Variants in GULP1 observed in about 807,000 individuals in gnomAD.
GULP1 encodes the protein PTB domain-containing engulfment adapter protein 1.
In GULP1, 19 loss-of-function variants were observed where a neutral mutation model predicts 40.9. The observed-to-expected ratio is 0.46, with a 90% confidence interval of 0.32 to 0.68. The LOEUF (loss-of-function observed/expected upper bound fraction) is 0.68, where lower values mean the gene tolerates loss of function less well. Ranked by LOEUF, GULP1 falls within the 30% of genes least tolerant of loss-of-function variation. The pLI is 0.03. For missense variants in GULP1, 312 were observed against 362.2 expected, an observed-to-expected ratio of 0.86 and a Z score of 1.12; for synonymous variants, 119 against 117.6, an observed-to-expected ratio of 1.01 and a Z score of -0.08.
chr2:188,368,568 G>A lies in GULP1; in HGVS notation c.-171-15195G>A, dbSNP rs755155946. On this transcript the variant is annotated intron_variant, in intron 1 of 11. Transcript: ENST00000409830. ...TGCACTCCAGCCTGGGTAACAGAGC[G>A]AGACTCCATCTAAAATAAATAAATA... is the stretch of plus-strand genomic sequence containing the variant. 2.2e-4 allele frequency among the ~76,000 whole-genome samples: 34 copies of A among 152,000 alleles called. 1 individual carries two copies. The highest frequency in any genetic ancestry group is 1.4e-3 in the Admixed American group (22 of 15,238).
At chr2:188,572,382 G>A (rs1244304659) in intron 9 of GULP1, among the ~76,000 whole-genome samples, 1 of 152,068 alleles carries the variant, frequency 6.6e-6, no homozygotes, top group Non-Finnish European at 1.5e-5. Context: ...ATTATTTTAG[G>A]CATTGTGTTC....
At chr2:188,518,546 A>G (rs1040431044) in intron 4 of GULP1, among the ~76,000 whole-genome samples, 1 of 152,108 alleles carries the variant, frequency 6.6e-6, no homozygotes, top group African/African-American at 2.4e-5. Context: ...ATATGCTTCT[A>G]GCTCTCAATA....
intron 11 of GULP1, 103 bp downstream of exon 11, chr2:188,588,052 G>T: frequency 1.3e-6 from 1 of 750,058 alleles, no homozygotes; most frequent in South Asian, 1.5e-5. Context: ...AATTATTTTC[G>T]CTATAAAAAC....
At chr2:188,488,932 A>C (rs2062099418) in intron 4 of GULP1, among the ~76,000 whole-genome samples, 1 of 152,042 alleles carries the variant, frequency 6.6e-6, no homozygotes, top group Admixed American at 6.6e-5. Flanking sequence ...TTTTACAAGT[A>C]ATCAGTTAAT....
intron 6 of GULP1, among the ~76,000 whole-genome samples, chr2:188,536,494 T>C (rs933292539): frequency 1.3e-5 from 2 of 152,160 alleles, no homozygotes; most frequent in African/African-American, 4.8e-5. Flanking sequence ...ATCAGATGGC[T>C]GTAGACTTGT....
At chr2:188,367,870 G>A (rs916625059) in intron 1 of GULP1, among the ~76,000 whole-genome samples, 1 of 152,140 alleles carries the variant, frequency 6.6e-6, no homozygotes, top group African/African-American at 2.4e-5. Flanking sequence ...GAAGTGTTTT[G>A]ACTGTAGGAT....
intron 4 of GULP1, among the ~76,000 whole-genome samples, chr2:188,515,290 C>A (rs2065059170): frequency 6.6e-6 from 1 of 152,150 alleles, no homozygotes; most frequent in Admixed American, 6.5e-5. Context: ...TTCCCCTTTG[C>A]AGCATTATTC....
At chr2:188,358,080 C>G (rs890696495) in intron 1 of GULP1, among the ~76,000 whole-genome samples, 2 of 152,050 alleles carry the variant, frequency 1.3e-5, no homozygotes, top group African/African-American at 4.8e-5. Context: ...ACTCAGGAAG[C>G]TGAGACACAA....
chr2:188,354,091 G>T (rs1052879993), intron 1 of GULP1, among the ~76,000 whole-genome samples: 1 of 152,024 alleles, frequency 6.6e-6, no homozygotes, highest in African/African-American at 2.4e-5. Flanking sequence ...TAGAGTCATA[G>T]CTGTGTTGCT....
chr2:188,509,151 G>A (rs551796651), intron 4 of GULP1, among the ~76,000 whole-genome samples: 1 of 152,128 alleles, frequency 6.6e-6, no homozygotes, highest in Admixed American at 6.6e-5. Context: ...TAGGTCTTCA[G>A]TAAACAGCTG....
chr2:188,360,235 A>G (rs903978735), intron 1 of GULP1, among the ~76,000 whole-genome samples: 8 of 152,090 alleles, frequency 5.3e-5, no homozygotes, highest in African/African-American at 1.9e-4. Flanking sequence ...TGCATTCTGG[A>G]CAAAATAGGC....
At chr2:188,345,956 T>C (rs2043592780) in intron 1 of GULP1, among the ~76,000 whole-genome samples, 1 of 152,232 alleles carries the variant, frequency 6.6e-6, no homozygotes, top group African/African-American at 2.4e-5. Context: ...TTATTCATGC[T>C]CTTTGGAATT....
At chr2:188,341,947 CACTTA>C (rs1476952976) in intron 1 of GULP1, among the ~76,000 whole-genome samples, 1 of 152,120 alleles carries the variant, frequency 6.6e-6, no homozygotes, top group Non-Finnish European at 1.5e-5. Flanking sequence ...TCAGTCTAGG[CACTTA>C]ACTTTTTTTG....
At chr2:188,396,051 G>T (rs1452264488) in intron 2 of GULP1, among the ~76,000 whole-genome samples, 1 of 152,170 alleles carries the variant, frequency 6.6e-6, no homozygotes. Flanking sequence ...TCCATCCTTG[G>T]TGCTGTGTTA....
At chr2:188,370,092 C>A (rs1311665667) in intron 1 of GULP1, among the ~76,000 whole-genome samples, 1 of 152,118 alleles carries the variant, frequency 6.6e-6, no homozygotes, top group Non-Finnish European at 1.5e-5. Flanking sequence ...GGTTTTGTGC[C>A]AGATCCCCAC....
At chr2:188,580,770 T>C (rs1475693519) in intron 9 of GULP1, among the ~76,000 whole-genome samples, 1 of 152,152 alleles carries the variant, frequency 6.6e-6, no homozygotes, top group Non-Finnish European at 1.5e-5. Context: ...AGGACATACC[T>C]CAGACTTGTT....
chr2:188,340,455 G>A (rs1222411212), intron 1 of GULP1, among the ~76,000 whole-genome samples: 1 of 152,142 alleles, frequency 6.6e-6, no homozygotes, highest in African/African-American at 2.4e-5. Flanking sequence ...AGGAGTTGGG[G>A]CAAGTGCTTC....
chr2:188,507,401 T>C (rs1296663901), intron 4 of GULP1, among the ~76,000 whole-genome samples: 9 of 149,082 alleles, frequency 6.0e-5, no homozygotes, highest in Non-Finnish European at 1.0e-4. Context: ...GTTTTCTTTT[T>C]TTTTTTTTTT....
intron 4 of GULP1, among the ~76,000 whole-genome samples, chr2:188,521,552 A>T (rs1426555898): frequency 2.0e-5 from 3 of 152,278 alleles, no homozygotes; most frequent in African/African-American, 7.2e-5. Context: ...CTTACATGGC[A>T]GCAGGCAAGA....
Sources: gnomAD v4.1 joint callset for allele counts (sites outside exome capture counted in the v4.1 genomes callset) on GRCh38, gnomAD v4.1.1 for gene constraint, MANE v1.5 for transcripts, NCBI Gene and HGNC (gene_info 2026-07-23, HGNC 2026-07-21) for gene names.